PARD3B: variants seen among roughly 807,000 people sequenced by gnomAD.
The protein encoded by PARD3B is par-3 family cell polarity regulator beta, also known as partitioning defective 3 homolog B.
In PARD3B, 103 loss-of-function variants were observed where a neutral mutation model predicts 130.2. The observed-to-expected ratio is 0.79, with a 90% CI of 0.67 to 0.93. The LOEUF (loss-of-function observed/expected upper bound fraction) is 0.93, where lower values mean the gene tolerates loss of function less well. Among genes scored for constraint, PARD3B ranks in the 40% least tolerant of loss-of-function variants. PARD3B has a pLI of 0.00. For synonymous variants in PARD3B, 583 were observed against 553.2 expected (o/e 1.05, Z -0.76); for missense variants, 1,609 against 1,499.2 (o/e 1.07, Z -1.21).
chr2:204,665,001 A>G (rs1269390673), intron 1 of PARD3B, among the ~76,000 whole-genome samples: 1 of 152,148 alleles, frequency 6.6e-6, no homozygotes, highest in Non-Finnish European at 1.5e-5. Flanking sequence ...TGAAGACTGT[A>G]GAGAAAATGT....
Position 204,678,227 on chromosome 2 carries a change from T to A in PARD3B, c.121-7954T>A, listed in dbSNP as rs1347441028. On this transcript the variant is annotated intron_variant, in intron 1 of 22. Transcript: ENST00000406610. This position sits in a 1 kb window ranked among gnomAD's most constrained non-coding sequence, Gnocchi z 4.2. ...ACCTGGGGCAAGTGCCTTTAGGTGC[T>A]GGCAGGACCAAACCCAGTAACCGGG... Among the ~76,000 whole-genome samples, 1 of 152,146 alleles carries A rather than the reference T, an allele frequency of 6.6e-6. No individual in the cohort carries two copies. The highest frequency in any genetic ancestry group is 1.9e-4 in the East Asian group (1 of 5,176).
intron 15 of PARD3B, among the ~76,000 whole-genome samples, chr2:205,243,115 G>A (rs916832101): frequency 2.0e-5 from 3 of 151,940 alleles, no homozygotes; most frequent in Non-Finnish European, 4.4e-5. Context: ...GCAGTGAGAC[G>A]AGATCGTGCC....
chr2:205,018,165 C>T (rs867143528), intron 3 of PARD3B, among the ~76,000 whole-genome samples: 24 of 151,884 alleles, frequency 1.6e-4, no homozygotes, highest in African/African-American at 4.1e-4. Flanking sequence ...TTACCTTTAG[C>T]GTAATCTTTC....
chr2:205,513,563 A>G (rs2050672378), intron 21 of PARD3B, among the ~76,000 whole-genome samples: 1 of 152,112 alleles, frequency 6.6e-6, no homozygotes. Context: ...ACCTGTTAAT[A>G]TCCTATCATC....
At chr2:205,070,732 C>T (rs1034793046) in intron 4 of PARD3B, among the ~76,000 whole-genome samples, 10 of 152,084 alleles carry the variant, frequency 6.6e-5, no homozygotes, top group Non-Finnish European at 2.9e-5. Context: ...CTCATCCATC[C>T]ATTGCAAGCA....
At chr2:205,002,996 G>T (rs1694967356) in intron 3 of PARD3B, among the ~76,000 whole-genome samples, 1 of 152,176 alleles carries the variant, frequency 6.6e-6, no homozygotes, top group South Asian at 2.1e-4. Flanking sequence ...GTTGTTCCAG[G>T]CTGATGTGGA....
At chr2:205,199,395 T>C (rs2036863834) in intron 15 of PARD3B, among the ~76,000 whole-genome samples, 1 of 152,038 alleles carries the variant, frequency 6.6e-6, no homozygotes, top group African/African-American at 2.4e-5. Context: ...CTCGGCTATG[T>C]AGAAAAGAGG....
At chr2:204,699,269 G>A (rs1400796064) in intron 2 of PARD3B, among the ~76,000 whole-genome samples, 1 of 152,068 alleles carries the variant, frequency 6.6e-6, no homozygotes, top group African/African-American at 2.4e-5. Flanking sequence ...CTTGTTCACC[G>A]AGGAAGTGGG....
At chr2:205,330,964 G>T (rs373538575) in intron 18 of PARD3B, among the ~76,000 whole-genome samples, 14 of 152,266 alleles carry the variant, frequency 9.2e-5, no homozygotes, top group Admixed American at 8.5e-4. Flanking sequence ...CTCTCAAATG[G>T]ATGTTTATTT....
At chr2:205,450,954 T>C (rs1241442675) in intron 20 of PARD3B, among the ~76,000 whole-genome samples, 1 of 152,228 alleles carries the variant, frequency 6.6e-6, no homozygotes. Flanking sequence ...CATTTGGTTC[T>C]GAGTCAGGCT....
At chr2:205,417,809 G>A (rs1351614879) in intron 19 of PARD3B, among the ~76,000 whole-genome samples, 1 of 152,174 alleles carries the variant, frequency 6.6e-6, no homozygotes, top group Non-Finnish European at 1.5e-5. Flanking sequence ...AGCAGTTGTA[G>A]GCACCCTGCA....
intron 1 of PARD3B, among the ~76,000 whole-genome samples, chr2:204,658,331 C>T (rs1327724895): frequency 1.3e-5 from 2 of 152,066 alleles, no homozygotes; most frequent in African/African-American, 2.4e-5. Context: ...ACATTTTCTT[C>T]TGTGTTCTTA....
chr2:205,147,318 T>C (rs1272879571), intron 10 of PARD3B, among the ~76,000 whole-genome samples: 1 of 152,238 alleles, frequency 6.6e-6, no homozygotes, highest in Non-Finnish European at 1.5e-5. Flanking sequence ...TTCAAGGTTA[T>C]ATACTATATT....
At chr2:205,496,612 A>G (rs914006990) in intron 20 of PARD3B, among the ~76,000 whole-genome samples, 2 of 151,866 alleles carry the variant, frequency 1.3e-5, no homozygotes, top group Admixed American at 1.3e-4. Flanking sequence ...GCCACAGGGG[A>G]CTTTCTGAAT....
At chr2:205,017,839 G>A (rs1696269014) in intron 3 of PARD3B, among the ~76,000 whole-genome samples, 1 of 152,290 alleles carries the variant, frequency 6.6e-6, no homozygotes, top group East Asian at 1.9e-4. Context: ...TGACAGAACA[G>A]TGAGGTCAAG....
chr2:204,820,547 G>T (rs890347539), intron 2 of PARD3B, among the ~76,000 whole-genome samples: 2 of 151,324 alleles, frequency 1.3e-5, no homozygotes, highest in African/African-American at 4.9e-5. Context: ...GGGCATGGGG[G>T]CTTACACCTG....
chr2:205,217,307 G>C (rs943067910), intron 15 of PARD3B, among the ~76,000 whole-genome samples: 1 of 152,138 alleles, frequency 6.6e-6, no homozygotes. Context: ...TCATTAGTTA[G>C]GCAGAATTTC....
intron 2 of PARD3B, among the ~76,000 whole-genome samples, chr2:204,923,666 A>G (rs2047768387): frequency 6.6e-6 from 1 of 152,078 alleles, no homozygotes; most frequent in Admixed American, 6.6e-5. Context: ...GGATAGAGCA[A>G]TCTTAATTAT....
chr2:204,573,159 G>C (rs1188444898), intron 1 of PARD3B, among the ~76,000 whole-genome samples: 2 of 152,162 alleles, frequency 1.3e-5, no homozygotes, highest in Non-Finnish European at 2.9e-5. Context: ...TGTGATGCTG[G>C]AGTGAAATGT....
Sources: gnomAD v4.1 joint callset for allele counts (sites outside exome capture counted in the v4.1 genomes callset) on GRCh38, gnomAD v4.1.1 for gene constraint, Gnocchi (gnomAD v3.1) non-coding constraint, MANE v1.5 for transcripts, NCBI Gene and HGNC (gene_info 2026-07-23, HGNC 2026-07-21) for gene names.